NME9: variants seen among roughly 807,000 people sequenced by gnomAD.
NME9 encodes thioredoxin domain-containing protein 6.
Under a neutral mutation model 44.4 loss-of-function variants are expected in NME9, and 48 were observed. The observed-to-expected ratio is 1.08, with a 90% confidence interval of 0.86 to 1.37. NME9 has a LOEUF of 1.37. NME9 is among the 40% of genes most tolerant of loss of function. The pLI is 0.00. For missense variants in NME9, 325 were observed against 405.2 expected, an observed-to-expected ratio of 0.80 and a Z score of 1.70; for synonymous variants, 139 against 147.1, an observed-to-expected ratio of 0.94 and a Z score of 0.40.
At chr3:138,285,769 G>A (rs2050348682) in intron 8 of NME9, among the ~76,000 whole-genome samples, 1 of 152,052 alleles carries the variant, frequency 6.6e-6, no homozygotes, top group Non-Finnish European at 1.5e-5. Flanking sequence ...ATGGTGTCTG[G>A]CCCTTAGCAT....
chr3:138,289,924 C>A (rs184946252), intron 8 of NME9, among the ~76,000 whole-genome samples: 3 of 152,290 alleles, frequency 2.0e-5, no homozygotes, highest in Admixed American at 2.0e-4. Flanking sequence ...GATTACTCAG[C>A]AGCAGCGCCC....
chr3:138,269,315 G>A (rs983091042), intron 8 of NME9, among the ~76,000 whole-genome samples: 8 of 152,152 alleles, frequency 5.3e-5, no homozygotes, highest in Admixed American at 3.9e-4. Flanking sequence ...AGCATTCATC[G>A]GTGATGGTAA....
chr3:138,301,534 C>T lies in NME9; in HGVS notation c.*106G>A. ...TATTTTCATTGTCTACAAAAGACAG[C>T]TAAACCAAAAAGTATTGGTACTCAA... is the stretch of plus-strand genomic sequence containing the variant. On this transcript the variant is annotated 3_prime_UTR_variant, in exon 11 of 11. Transcript: ENST00000333911. 1 of 1,488,454 alleles carries T rather than the reference C, an allele frequency of 6.7e-7. No individual in the cohort carries two copies. The highest frequency in any genetic ancestry group is 8.9e-7 in the Non-Finnish European group (1 of 1,122,590). 92.2% of individuals were successfully genotyped at this position (1,488,454 alleles called of 1,614,324 possible).
downstream of NME9, among the ~76,000 whole-genome samples, chr3:138,300,757 G>A (rs1238797483): frequency 6.6e-6 from 1 of 152,170 alleles, no homozygotes; most frequent in Admixed American, 6.5e-5. Context: ...AAAATTAGAT[G>A]AACCCTGGTT....
At chr3:138,264,277 A>T in intron 8 of NME9, 1 of 1,253,376 alleles carries the variant, frequency 8.0e-7, no homozygotes, top group Non-Finnish European at 1.2e-6. Context: ...TGAGCTAGCT[A>T]ACACTACTCC....
chr3:138,326,494 C>T (rs971674337), intron 1 of NME9, among the ~76,000 whole-genome samples: 1 of 152,128 alleles, frequency 6.6e-6, no homozygotes, highest in African/African-American at 2.4e-5. Flanking sequence ...AGTGCAGTGG[C>T]ATGATCATGG....
intron 8 of NME9, among the ~76,000 whole-genome samples, chr3:138,271,649 A>G (rs1409068571): frequency 1.3e-5 from 2 of 152,186 alleles, no homozygotes; most frequent in Non-Finnish European, 2.9e-5. Context: ...GGGTCTCTTG[A>G]CACATAGAGT....
chr3:138,329,640 C>T lies in NME9; in HGVS notation c.-305G>A, dbSNP rs1017986256. 2 of 1,272,214 alleles carry T rather than the reference C, an allele frequency of 1.6e-6. No homozygotes were observed. The highest frequency in any genetic ancestry group is 2.0e-6 in the Non-Finnish European group (2 of 1,008,868). The allele number at this position is 1,272,214 out of a possible 1,614,324, so 78.8% of individuals were successfully genotyped here. On this transcript the variant is annotated 5_prime_UTR_variant, in exon 1 of 11. Transcript: ENST00000333911. ...GCCGGCCAGGGGGCGCGCGCAGAGG[C>T]CGGAGTCAGTGCGCCGGGCGCGGTG...
Position 138,263,811 on chromosome 3 carries a change from G to A in NME9, c.746-1225C>T, listed in dbSNP as rs746329443. On this transcript the variant is annotated intron_variant, in intron 8 of 8. Coordinates refer to the NME9 transcript ENST00000317876. ...TGAGTCTAGTGTCAAGGTGCGGTTA[G>A]CTGCCGTCAGGTATGAGCTTTAAAT... 4.3e-6 allele frequency: 7 copies of A among 1,613,822 alleles called. No homozygotes were observed. Among genetic ancestry groups the A allele is most frequent in the Admixed American group, 3.3e-5 (2 of 60,004 alleles).
chr3:138,290,813 A>G (rs80294522), intron 8 of NME9, among the ~76,000 whole-genome samples: 7,656 of 152,266 alleles, frequency 0.05, 634 homozygotes, highest in African/African-American at 0.17. Context: ...GTAAACTAAT[A>G]ATTACCAAAT....
At chr3:138,269,143 A>G (rs1409623678) in intron 8 of NME9, among the ~76,000 whole-genome samples, 2 of 152,148 alleles carry the variant, frequency 1.3e-5, no homozygotes, top group African/African-American at 2.4e-5. Context: ...AGAATATCTG[A>G]GCGTTCCTTG....
In NME9 at chr3:138,319,459, G is replaced by A. The variant is rs373929254; in HGVS notation, c.195+19C>T. 8.8e-5 allele frequency: 120 copies of A among 1,363,478 alleles called. No homozygotes were observed. In the African/African-American group the frequency reaches 1.5e-3, roughly 17 times the overall value. The allele number at this position is 1,363,478 out of a possible 1,614,324, so 84.5% of individuals were successfully genotyped here. On this transcript the variant is annotated intron_variant, in intron 3 of 10. Transcript: ENST00000333911. ...CTTTTTACAATGTTGTATGACTGTT[G>A]GCTGAGAGAGAATCTTACTAATGCA...
intron 8 of NME9, among the ~76,000 whole-genome samples, chr3:138,292,792 C>T (rs1363908610): frequency 6.6e-6 from 1 of 151,910 alleles, no homozygotes; most frequent in African/African-American, 2.4e-5. Flanking sequence ...TCTCTTAGAG[C>T]AAGTAAAAAG....
intron 5 of NME9, among the ~76,000 whole-genome samples, 166 bp downstream of exon 5, chr3:138,315,361 C>T (rs993619408): frequency 2.0e-4 from 31 of 152,186 alleles, no homozygotes; most frequent in African/African-American, 6.5e-4. Flanking sequence ...TCAAAATGCA[C>T]ACATATCACC....
chr3:138,304,020 T>C (rs962782230), intron 9 of NME9, among the ~76,000 whole-genome samples: 7 of 152,364 alleles, frequency 4.6e-5, no homozygotes, highest in Middle Eastern at 3.4e-3. Flanking sequence ...AAGTTGTGCA[T>C]AGTTATCCTT....
chr3:138,329,000 TC>T (rs1229646145), intron 1 of NME9, among the ~76,000 whole-genome samples: 1 of 152,232 alleles, frequency 6.6e-6, no homozygotes, highest in Non-Finnish European at 1.5e-5. Context: ...ATTCGTATTT[TC>T]TTAGTTTATA....
chr3:138,329,448 C>T lies in NME9; in HGVS notation c.-113G>A, dbSNP rs767665430. The T allele has an allele frequency of 3.7e-4, 564 of 1,512,290 alleles. No individual in the cohort carries two copies. Among genetic ancestry groups the T allele is most frequent in the Non-Finnish European group, 4.7e-4 (532 of 1,135,418 alleles). The allele number at this position is 1,512,290 out of a possible 1,614,324, so 93.7% of individuals were successfully genotyped here. A position where few individuals can be genotyped will look rare whatever the true frequency, so the allele number is the denominator to read the frequency against. On this transcript the variant is annotated 5_prime_UTR_variant, in exon 1 of 11. Transcript: ENST00000333911. Reference sequence around the variant, plus strand: ...GCCCAGAGCCTCCTTCAGACAAGCCCCCCTCCTACGGCCCCCGGCCCCTTT... The same window carrying T: ...GCCCAGAGCCTCCTTCAGACAAGCCTCCCTCCTACGGCCCCCGGCCCCTTT...
At chr3:138,318,303 G>T in intron 3 of NME9, 84 bp from the exon 4 acceptor site, 1 of 888,510 alleles carries the variant, frequency 1.1e-6, no homozygotes, top group Non-Finnish European at 1.9e-6. Flanking sequence ...ACAGGGAACT[G>T]AACACCCCCA....
At chr3:138,300,955 C>T, downstream of NME9, 1 of 563,684 alleles carries the variant, frequency 1.8e-6, no homozygotes, top group Non-Finnish European at 2.2e-6. Flanking sequence ...AATCTTGCTG[C>T]ACTGTTTTCA....
Sources: gnomAD v4.1 joint callset for allele counts (sites outside exome capture counted in the v4.1 genomes callset) on GRCh38, gnomAD v4.1.1 for gene constraint, MANE v1.5 for transcripts, NCBI Gene and HGNC (gene_info 2026-07-23, HGNC 2026-07-21) for gene names.